The following TENM2 variants were observed in gnomAD, a reference collection of about 807,000 sequenced individuals.
The protein encoded by TENM2 is teneurin-2.
A neutral mutation model predicts 245.2 loss-of-function variants in TENM2; 52 were observed. The ratio of observed to expected loss-of-function variants is 0.21; its 90% CI spans 0.17 to 0.27. The LOEUF (loss-of-function observed/expected upper bound fraction) is 0.27, where lower values mean the gene tolerates loss of function less well. TENM2 is among the 10% of genes least tolerant of loss of function. The pLI, the probability that TENM2 is intolerant of heterozygous loss-of-function variation, is 1.00. For missense variants in TENM2, 3,046 were observed against 3,666.8 expected (o/e 0.83, Z 4.37); for synonymous variants, 1,363 against 1,438.9 (o/e 0.95, Z 1.19).
chr5:167,076,615 G>A, the TENM2 span, among the ~76,000 whole-genome samples: 1 of 152,074 alleles, frequency 6.6e-6, no homozygotes, highest in Admixed American at 6.6e-5. Flanking sequence ...GTTCATAATA[G>A]TCGCTATATA....
intron 2 of TENM2, among the ~76,000 whole-genome samples, chr5:167,846,556 TG>T (rs762127244): frequency 2.0e-5 from 3 of 152,224 alleles, no homozygotes; most frequent in Non-Finnish European, 4.4e-5. Flanking sequence ...GTGTTGTTTC[TG>T]TGATGCCAAG....
the TENM2 span, among the ~76,000 whole-genome samples, chr5:167,163,626 C>T: frequency 1.3e-5 from 2 of 152,116 alleles, no homozygotes; most frequent in Admixed American, 6.5e-5. Context: ...GACTTTAAAT[C>T]AGTGCTGCTT....
At chr5:167,431,916 TA>T (rs1189016446) in intron 2 of TENM2, among the ~76,000 whole-genome samples, 7 of 137,040 alleles carry the variant, frequency 5.1e-5, no homozygotes, top group Non-Finnish European at 7.7e-5. Context: ...CAAGGTGTGA[TA>T]TATATATATA....
intron 1 of TENM2, among the ~76,000 whole-genome samples, chr5:167,309,395 G>A (rs1281049023): frequency 2.0e-5 from 3 of 152,112 alleles, no homozygotes; most frequent in Non-Finnish European, 2.9e-5. Context: ...TGAGAATATC[G>A]TAAGTCGAAA....
intron 27 of TENM2, among the ~76,000 whole-genome samples, chr5:168,251,614 C>G (rs921826197): frequency 4.6e-5 from 7 of 152,292 alleles, no homozygotes; most frequent in African/African-American, 1.4e-4. Context: ...TTTGGCTCAT[C>G]TGTAAACCCC....
At chr5:167,793,162 G>A (rs1765096728) in intron 2 of TENM2, among the ~76,000 whole-genome samples, 2 of 152,122 alleles carry the variant, frequency 1.3e-5, no homozygotes, top group African/African-American at 4.8e-5. Context: ...CTTCACTTCT[G>A]AGGTAGTTAG....
intron 1 of TENM2, among the ~76,000 whole-genome samples, chr5:167,352,442 G>C (rs1758977369): frequency 6.6e-6 from 1 of 152,156 alleles, no homozygotes; most frequent in Non-Finnish European, 1.5e-5. Context: ...AATAAATTGA[G>C]TCTTTGATTA....
chr5:167,116,011 A>G, the TENM2 span, among the ~76,000 whole-genome samples: 1 of 152,196 alleles, frequency 6.6e-6, no homozygotes, highest in Non-Finnish European at 1.5e-5. Context: ...TACTTTTAAA[A>G]TAATTTGCAC....
intron 2 of TENM2, among the ~76,000 whole-genome samples, chr5:167,796,629 T>C (rs527555278): frequency 2.0e-5 from 3 of 151,482 alleles, no homozygotes; most frequent in South Asian, 4.1e-4. Flanking sequence ...TGTGTGTGTG[T>C]GTGTGCGTGT....
intron 1 of TENM2, among the ~76,000 whole-genome samples, chr5:167,354,176 G>A (rs1200359225): frequency 2.0e-5 from 3 of 152,210 alleles, no homozygotes; most frequent in African/African-American, 7.2e-5. Context: ...GATCTGGCGT[G>A]ATGGGAGAGG....
At chr5:167,606,579 G>A (rs114815326) in intron 2 of TENM2, among the ~76,000 whole-genome samples, 2,344 of 152,130 alleles carry the variant, frequency 0.015, 62 homozygotes, top group African/African-American at 0.052. Flanking sequence ...ATGAATTTGG[G>A]GAAAGCACCA....
At chr5:167,535,049 A>T (rs1434075571) in intron 2 of TENM2, among the ~76,000 whole-genome samples, 1 of 152,094 alleles carries the variant, frequency 6.6e-6, no homozygotes, top group Non-Finnish European at 1.5e-5. Context: ...TTTCAAACCC[A>T]GTTGTAAAAC....
chr5:167,292,842 G>T (rs1416758546), intron 1 of TENM2, among the ~76,000 whole-genome samples: 1 of 152,222 alleles, frequency 6.6e-6, no homozygotes, highest in Non-Finnish European at 1.5e-5. Context: ...TGTCCGGAAT[G>T]GCATCCCAGA....
intron 2 of TENM2, among the ~76,000 whole-genome samples, chr5:167,443,743 A>G (rs1764994932): frequency 6.6e-6 from 1 of 152,178 alleles, no homozygotes; most frequent in East Asian, 1.9e-4. Flanking sequence ...AATTTAAACC[A>G]TGTATTTTGT....
At chr5:167,856,383 G>T (rs576243703) in intron 2 of TENM2, among the ~76,000 whole-genome samples, 1 of 152,288 alleles carries the variant, frequency 6.6e-6, no homozygotes, top group East Asian at 1.9e-4. Flanking sequence ...AATGGTTATA[G>T]ACTCATTTAG....
At chr5:167,843,706 T>C (rs1280707175) in intron 2 of TENM2, among the ~76,000 whole-genome samples, 2 of 152,210 alleles carry the variant, frequency 1.3e-5, no homozygotes, top group African/African-American at 4.8e-5. Flanking sequence ...AGTACTTTAA[T>C]AGGCTCAGCT....
At chr5:167,086,918 AAC>A in the TENM2 span, among the ~76,000 whole-genome samples, 8 of 109,938 alleles carry the variant, frequency 7.3e-5, no homozygotes, top group African/African-American at 3.0e-4. Context: ...AGGAAACTCT[AAC>A]ACACACACGC....
At chr5:167,167,075 C>T in the TENM2 span, among the ~76,000 whole-genome samples, 4 of 152,030 alleles carry the variant, frequency 2.6e-5, no homozygotes, top group Admixed American at 1.3e-4. Context: ...AATGCTTGGC[C>T]GAGAAGTTGT....
At chr5:168,259,120 T>G (rs1357082351) in intron 27 of TENM2, among the ~76,000 whole-genome samples, 1 of 151,780 alleles carries the variant, frequency 6.6e-6, no homozygotes, top group Non-Finnish European at 1.5e-5. Flanking sequence ...CATCCAGGAA[T>G]CTCTATTGAT....
Sources: allele counts gnomAD v4.1 joint callset (sites outside exome capture counted in the v4.1 genomes callset), GRCh38; gene constraint gnomAD v4.1.1; transcripts MANE v1.5; gene names NCBI Gene and HGNC (gene_info 2026-07-23, HGNC 2026-07-21).